The following DLGAP2 variants were observed in gnomAD, a reference collection of about 807,000 sequenced individuals.
DLGAP2 encodes DLG associated protein 2, also known as disks large-associated protein 2.
Under a neutral mutation model 100.3 loss-of-function variants are expected in DLGAP2, and 26 were observed. The ratio of observed to expected loss-of-function variants is 0.26; its 90% CI spans 0.19 to 0.36. The LOEUF (loss-of-function observed/expected upper bound fraction) is 0.36, where lower values mean the gene tolerates loss of function less well. DLGAP2 is among the 10% of genes least tolerant of loss of function. The pLI is 1.00. For synonymous variants in DLGAP2, 886 were observed against 630.1 expected (o/e 1.41, Z -6.08); for missense variants, 1,858 against 1,453.2 (o/e 1.28, Z -4.53).
At chr8:1,037,565 C>A (rs930406373) in intron 2 of DLGAP2, among the ~76,000 whole-genome samples, 1 of 152,252 alleles carries the variant, frequency 6.6e-6, no homozygotes, top group African/African-American at 2.4e-5. Flanking sequence ...CCGGCATCAC[C>A]TGCACTTTAT....
At chr8:1,641,061 G>T (rs765808472) in intron 8 of DLGAP2, among the ~76,000 whole-genome samples, 3 of 152,154 alleles carry the variant, frequency 2.0e-5, no homozygotes, top group Non-Finnish European at 2.9e-5. Flanking sequence ...GGAGACACGG[G>T]TAAGGGTCGG....
At chr8:1,233,679 T>G (rs1350011630) in intron 2 of DLGAP2, among the ~76,000 whole-genome samples, 2 of 152,132 alleles carry the variant, frequency 1.3e-5, no homozygotes, top group Non-Finnish European at 2.9e-5. Flanking sequence ...TGATAGATGA[T>G]CTCAGTGCCT....
chr8:1,298,765 C>G (rs1003936368), intron 3 of DLGAP2, among the ~76,000 whole-genome samples: 5 of 152,200 alleles, frequency 3.3e-5, no homozygotes, highest in African/African-American at 1.2e-4. Context: ...AAACTTTAAA[C>G]TAAAGACTTC....
At chr8:1,409,789 C>A (rs1796678776) in intron 3 of DLGAP2, among the ~76,000 whole-genome samples, 1 of 152,180 alleles carries the variant, frequency 6.6e-6, no homozygotes, top group Admixed American at 6.5e-5. Context: ...CTGGGACCTT[C>A]ATCTTCTCCT....
At chr8:1,433,477 T>C (rs1453530101) in intron 3 of DLGAP2, among the ~76,000 whole-genome samples, 1 of 152,188 alleles carries the variant, frequency 6.6e-6, no homozygotes, top group Admixed American at 6.5e-5. Context: ...GCTGAGCCCG[T>C]GAGGCTGCTG....
intron 1 of DLGAP2, among the ~76,000 whole-genome samples, chr8:838,162 A>G (rs79246895): frequency 0.02 from 3,105 of 152,154 alleles, 109 homozygotes; most frequent in African/African-American, 0.071. Context: ...ATACTTTACA[A>G]TAATTTAAGG....
intron 1 of DLGAP2, among the ~76,000 whole-genome samples, chr8:851,235 C>T (rs1321292775): frequency 6.6e-6 from 1 of 152,218 alleles, no homozygotes; most frequent in Non-Finnish European, 1.5e-5. Context: ...TGCCATTCAA[C>T]CCAGGGGTGT....
At chr8:1,161,631 A>G (rs1796892050) in intron 2 of DLGAP2, among the ~76,000 whole-genome samples, 1 of 152,162 alleles carries the variant, frequency 6.6e-6, no homozygotes, top group Admixed American at 6.5e-5. Context: ...AGTCATGCAC[A>G]TGGTGGTGGG....
At chr8:832,464 C>T (rs1450497013) in intron 1 of DLGAP2, among the ~76,000 whole-genome samples, 1 of 152,210 alleles carries the variant, frequency 6.6e-6, no homozygotes, top group African/African-American at 2.4e-5. Context: ...TGCCTGCATT[C>T]TTCTGGATTC....
intron 1 of DLGAP2, among the ~76,000 whole-genome samples, chr8:865,075 C>G (rs1452970269): frequency 6.6e-6 from 1 of 152,204 alleles, no homozygotes; most frequent in African/African-American, 2.4e-5. Flanking sequence ...TCAATCTCAG[C>G]TATGCGGTCT....
intron 1 of DLGAP2, among the ~76,000 whole-genome samples, chr8:881,496 CTTTTTTT>C (rs533557661): frequency 2.3e-5 from 2 of 85,628 alleles, no homozygotes; most frequent in South Asian, 4.0e-4. Context: ...TTTCATCTCT[CTTTTTTT>C]TTTTTTTTTT....
chr8:1,047,272 G>A (rs78029842), intron 2 of DLGAP2, among the ~76,000 whole-genome samples: 2,399 of 152,284 alleles, frequency 0.016, 72 homozygotes, highest in African/African-American at 0.054. Flanking sequence ...CTTTCACTTA[G>A]CAAGGTTGTC....
At chr8:927,051 G>A in intron 2 of DLGAP2, 2 of 985,446 alleles carry the variant, frequency 2.0e-6, no homozygotes, top group Non-Finnish European at 2.4e-6. Context: ...GAGGCCTGGA[G>A]GAGCCGATGT....
At position 1,678,151 on chromosome 8, in the gene DLGAP2, G is replaced by A. The variant is rs558916603; in HGVS notation, c.2289-63G>A. ...TGCGCTCCTGACAGGCGACATGTAG[G>A]ACTTTGTTGCATGAAGTCCTCTCAG... On this transcript the variant is annotated intron_variant, in intron 11 of 14. Coordinates refer to ENST00000637795, the MANE Select transcript of DLGAP2 (RefSeq NM_001346810.2). 79 of 1,542,186 alleles carry A rather than the reference G, an allele frequency of 5.1e-5. No individual in the cohort carries two copies. The African/African-American group carries it at 9.0e-4, about 18-fold the overall frequency.
intron 1 of DLGAP2, among the ~76,000 whole-genome samples, chr8:759,771 A>G (rs753575971): frequency 2.6e-4 from 40 of 152,044 alleles, no homozygotes; most frequent in Non-Finnish European, 5.0e-4. Context: ...AGTATTTACT[A>G]CCTCTTCCCC....
At chr8:1,609,824 A>G (rs962273686) in intron 6 of DLGAP2, among the ~76,000 whole-genome samples, 78 of 147,258 alleles carry the variant, frequency 5.3e-4, no homozygotes, top group African/African-American at 1.8e-3. Flanking sequence ...GATCAATTCA[A>G]CAAGAGGAGC....
chr8:1,617,188 G>T (rs1797183444), intron 6 of DLGAP2, among the ~76,000 whole-genome samples: 1 of 152,022 alleles, frequency 6.6e-6, no homozygotes, highest in Non-Finnish European at 1.5e-5. Flanking sequence ...GTGCTGCAAT[G>T]AATGTGCATG....
intron 1 of DLGAP2, among the ~76,000 whole-genome samples, chr8:775,067 C>T (rs1355343392): frequency 6.6e-6 from 1 of 152,200 alleles, no homozygotes; most frequent in African/African-American, 2.4e-5. Flanking sequence ...TCCTTCTCGT[C>T]CCTTGTAAGT....
intron 1 of DLGAP2, among the ~76,000 whole-genome samples, chr8:837,099 C>T (rs142964763): frequency 6.6e-6 from 1 of 152,262 alleles, no homozygotes; most frequent in Admixed American, 6.5e-5. Context: ...GGTTAGGGCG[C>T]TACCCCCAGC....
Sources: gnomAD v4.1 joint callset for allele counts (sites outside exome capture counted in the v4.1 genomes callset) on GRCh38, gnomAD v4.1.1 for gene constraint, MANE v1.5 for transcripts, NCBI Gene and HGNC (gene_info 2026-07-23, HGNC 2026-07-21) for gene names.